The following TNFRSF8 variants were observed in gnomAD, a reference collection of about 807,000 sequenced individuals.
TNFRSF8 encodes the protein TNF receptor superfamily member 8.
Under a neutral mutation model 70.8 loss-of-function variants are expected in TNFRSF8, and 26 were observed. That is an observed-to-expected ratio of 0.37 (90% CI 0.27 to 0.51). TNFRSF8 has a LOEUF of 0.51. TNFRSF8 is among the 20% of genes least tolerant of loss of function. The probability of loss-of-function intolerance (pLI) is 0.94; values close to 1 mark genes in which losing one functional copy is unlikely to be tolerated. For missense variants in TNFRSF8, 720 were observed against 807.9 expected, an observed-to-expected ratio of 0.89 and a Z score of 1.32; for synonymous variants, 356 against 339.2, an observed-to-expected ratio of 1.05 and a Z score of -0.54.
rs574113839 is a variant in TNFRSF8 at position 12,066,605 on chromosome 1, G to A, written c.63+2944G>A. Among the ~76,000 whole-genome samples, 10 of 151,910 alleles carry A rather than the reference G, an allele frequency of 6.6e-5. No individual in the cohort carries two copies. The East Asian group carries it at 1.2e-3, about 18-fold the overall frequency. ...TGACCTCAGGAGATCCATCCACCTC[G>A]GCATCCCAAAGTGCTGGGATTACAG... On this transcript the variant is annotated intron_variant, in intron 1 of 14. Transcript: ENST00000263932.
intron 1 of TNFRSF8, among the ~76,000 whole-genome samples, chr1:12,081,312 C>T (rs1344516046): frequency 6.6e-6 from 1 of 152,118 alleles, no homozygotes; most frequent in East Asian, 1.9e-4. Context: ...AGACCAAGGA[C>T]AAGGACCCAG....
chr1:12,103,557 C>T (rs1233873366), intron 3 of TNFRSF8, among the ~76,000 whole-genome samples: 2 of 152,108 alleles, frequency 1.3e-5, no homozygotes, highest in East Asian at 3.8e-4. Flanking sequence ...ACAGCCTCAA[C>T]CTCCTGGGCT....
At chr1:12,111,870 C>T in intron 6 of TNFRSF8, 28 bp from the exon 7 acceptor site, 1 of 1,603,206 alleles carries the variant, frequency 6.2e-7, no homozygotes, top group Non-Finnish European at 8.5e-7. Flanking sequence ...GGCGGCCTGG[C>T]CTGCAGCTTC....
chr1:12,090,075 C>A (rs1430372052), intron 2 of TNFRSF8, among the ~76,000 whole-genome samples: 2 of 149,566 alleles, frequency 1.3e-5, no homozygotes, highest in Admixed American at 1.3e-4. Context: ...ATCCATCTAC[C>A]CACTCATCCA....
rs1642201095 is a variant in TNFRSF8 at position 12,138,753 on chromosome 1, C to A, written c.1543+317C>A. ...GGAAGACGTGCCAGTGGTCACAGGA[C>A]CTGCCACTTGTCTGGCGCATTCCGG... On this transcript the variant is annotated intron_variant, in intron 14 of 14. Transcript: ENST00000263932. The surrounding 1 kb of genome is among the most constrained non-coding windows in gnomAD (Gnocchi z 5.7). Among the ~76,000 whole-genome samples, 1 of 152,238 alleles carries A rather than the reference C, an allele frequency of 6.6e-6. No homozygotes were observed. The highest frequency in any genetic ancestry group is 6.5e-5 in the Admixed American group (1 of 15,288).
chr1:12,110,217 T>C lies in TNFRSF8; in HGVS notation c.676+13T>C, dbSNP rs1557592874. 6.4e-7 allele frequency: 1 copy of C among 1,569,232 alleles called. No homozygotes were observed. The highest frequency in any genetic ancestry group is 8.7e-7 in the Non-Finnish European group (1 of 1,155,256). On this transcript the variant is annotated intron_variant, in intron 6 of 14. Coordinates refer to ENST00000263932, the MANE Select transcript of TNFRSF8 (RefSeq NM_001243.5). This position sits in a 1 kb window ranked among gnomAD's most constrained non-coding sequence, Gnocchi z 4.0. Reference sequence around the variant, plus strand: ...AGTTCAGATCCAGGTAATTTCCCCATGAAGCTGTGGGTCGTCTCCCTGGGG... The same window carrying C: ...AGTTCAGATCCAGGTAATTTCCCCACGAAGCTGTGGGTCGTCTCCCTGGGG...
chr1:12,084,582 G>A, intron 2 of TNFRSF8, 31 bp downstream of exon 2: 2 of 1,599,480 alleles, frequency 1.3e-6, no homozygotes, highest in South Asian at 1.1e-5. Context: ...TGGGGAGAAG[G>A]GGGGAAATTT....
intron 7 of TNFRSF8, among the ~76,000 whole-genome samples, chr1:12,114,507 A>C (rs1641690958): frequency 6.6e-6 from 1 of 151,876 alleles, no homozygotes. Flanking sequence ...GTCTCTAAGT[A>C]TCCTGCTGAT....
At chr1:12,070,795 T>G (rs1389752794) in intron 1 of TNFRSF8, among the ~76,000 whole-genome samples, 1 of 152,132 alleles carries the variant, frequency 6.6e-6, no homozygotes, top group Non-Finnish European at 1.5e-5. Context: ...GAACAGGGGT[T>G]TTGGAGAAAA....
intron 1 of TNFRSF8, chr1:12,080,532 G>A (rs1641046461): frequency 6.6e-6 from 3 of 453,650 alleles, no homozygotes; most frequent in Non-Finnish European, 1.3e-5. Context: ...ACGCTCTTTC[G>A]AGGATATTTG....
At chr1:12,117,215 T>C (rs1641747816) in intron 8 of TNFRSF8, among the ~76,000 whole-genome samples, 1 of 152,060 alleles carries the variant, frequency 6.6e-6, no homozygotes, top group Non-Finnish European at 1.5e-5. Flanking sequence ...CCCGAGTAGC[T>C]GGGATTACAG....
rs182392762 is a variant in TNFRSF8 at position 12,109,474 on chromosome 1, C to G, written c.422-92C>G. ...CTGCTGTGTTTTCCAAGGGCCCCAT[C>G]TCCGACTCTGGCCTGTGGTAGTGAA... On this transcript the variant is annotated intron_variant, in intron 4 of 14. Coordinates refer to ENST00000263932, the MANE Select transcript of TNFRSF8 (RefSeq NM_001243.5). This position sits in a 1 kb window ranked among gnomAD's most constrained non-coding sequence, Gnocchi z 4.4. 5,664 of 1,056,074 alleles carry G rather than the reference C, an allele frequency of 5.4e-3. 43 individuals carry two copies. The highest frequency in any genetic ancestry group is 5.3e-3 in the Non-Finnish European group (3,759 of 713,956). The allele number at this position is 1,056,074 out of a possible 1,614,324, so 65.4% of individuals were successfully genotyped here.
rs1423385037 is a variant in TNFRSF8, at chr1:12,138,633, G to A, written c.1543+197G>A. 4.6e-5 allele frequency among the ~76,000 whole-genome samples: 7 copies of A among 152,150 alleles called. No individual in the cohort carries two copies. Among genetic ancestry groups the A allele is most frequent in the African/African-American group, 1.7e-4 (7 of 41,422 alleles). On this transcript the variant is annotated intron_variant, in intron 14 of 14. Transcript: ENST00000263932. The surrounding 1 kb of genome is among the most constrained non-coding windows in gnomAD (Gnocchi z 5.7). ...GTACTTACCTCGTAGGCCATTGTGC[G>A]GATTCATGAGCCAGTGTGCATGAGA...
At chr1:12,092,106 G>A (rs1199402419) in intron 2 of TNFRSF8, among the ~76,000 whole-genome samples, 7 of 152,112 alleles carry the variant, frequency 4.6e-5, no homozygotes, top group Non-Finnish European at 8.8e-5. Context: ...TCTTCACATG[G>A]CATTCTCCCT....
intron 10 of TNFRSF8, among the ~76,000 whole-genome samples, chr1:12,125,724 A>G (rs1570067975): frequency 6.6e-6 from 1 of 151,800 alleles, no homozygotes; most frequent in African/African-American, 2.4e-5. Context: ...TCAATTTCTC[A>G]CTCTCTAGAC....
In TNFRSF8 at chr1:12,110,086, C is replaced by T. The variant is rs759994815; in HGVS notation, c.558C>T (p.Thr186=). ...AGCCCACCCCGGTGTCCCCAGCAAC[C>T]TCCAGTGCCAGCACCATGCCTGTAA... is the stretch of plus-strand genomic sequence containing the variant. The part of the protein sequence containing the change: ...QAKPTPVSPA[T]SSASTMPVRG... The change falls in exon 6 of 15, where the codon ACC becomes ACT. Residue 186 remains threonine (T), a synonymous_variant. Coordinates refer to ENST00000263932, the MANE Select transcript of TNFRSF8 (RefSeq NM_001243.5). This position sits in a 1 kb window ranked among gnomAD's most constrained non-coding sequence, Gnocchi z 4.0. The T allele has an allele frequency of 6.2e-7, 1 of 1,613,526 alleles. No individual in the cohort carries two copies. Among genetic ancestry groups the T allele is most frequent in the African/African-American group, 1.3e-5 (1 of 74,942 alleles).
chr1:12,122,765 A>G (rs143573224), intron 8 of TNFRSF8, among the ~76,000 whole-genome samples: 244 of 152,328 alleles, frequency 1.6e-3, no homozygotes, highest in African/African-American at 5.5e-3. Flanking sequence ...CTTAAAAGCA[A>G]AAGGTCTAGC....
At chr1:12,118,591 G>C (rs11811120) in intron 8 of TNFRSF8, among the ~76,000 whole-genome samples, 5,604 of 152,258 alleles carry the variant, frequency 0.037, 347 homozygotes, top group African/African-American at 0.13. Context: ...AATTCACGAA[G>C]TCGTTACATC....
chr1:12,109,722 C>A lies in TNFRSF8; in HGVS notation c.512+66C>A. 1 of 1,372,460 alleles carries A rather than the reference C, an allele frequency of 7.3e-7. No individual in the cohort carries two copies. Among genetic ancestry groups the A allele is most frequent in the Non-Finnish European group, 1.0e-6 (1 of 968,386 alleles). 85.0% of individuals were successfully genotyped at this position (1,372,460 alleles called of 1,614,324 possible). A position where few individuals can be genotyped will look rare whatever the true frequency, so the allele number is the denominator to read the frequency against. On this transcript the variant is annotated intron_variant, in intron 5 of 14. Transcript: ENST00000263932. The surrounding 1 kb of genome is among the most constrained non-coding windows in gnomAD (Gnocchi z 4.4). ...GCTTTCAGATGAGGCTGCCCCACCC[C>A]ACAGGACGCCCATGGTACAACTGGG...
Sources: allele counts gnomAD v4.1 joint callset (sites outside exome capture counted in the v4.1 genomes callset), GRCh38; gene constraint gnomAD v4.1.1; non-coding constraint Gnocchi (gnomAD v3.1); transcripts MANE v1.5; gene names NCBI Gene and HGNC (gene_info 2026-07-23, HGNC 2026-07-21).